Variants in APP observed in about 807,000 individuals in gnomAD.
APP encodes amyloid beta precursor protein.
Under a neutral mutation model 101.4 loss-of-function variants are expected in APP, and 31 were observed. The ratio of observed to expected loss-of-function variants is 0.31; its 90% CI spans 0.23 to 0.41. The LOEUF is 0.41. Among genes scored for constraint, APP ranks in the 10% least tolerant of loss-of-function variants. The probability of loss-of-function intolerance (pLI) is 1.00; values close to 1 mark genes in which losing one functional copy is unlikely to be tolerated. For synonymous variants in APP, 366 were observed against 364.4 expected (o/e 1.00, Z -0.05); for missense variants, 839 against 1,003.7 (o/e 0.84, Z 2.22).
intron 6 of APP, among the ~76,000 whole-genome samples, chr21:26,012,692 C>T (rs1388296726): frequency 1.5e-5 from 2 of 135,628 alleles, no homozygotes; most frequent in East Asian, 2.2e-4. Context: ...AACGTGTGCC[C>T]GGTTGGGTGT....
intron 2 of APP, among the ~76,000 whole-genome samples, chr21:26,094,235 GATT>G (rs1310576370): frequency 6.6e-6 from 1 of 152,028 alleles, no homozygotes; most frequent in Non-Finnish European, 1.5e-5. Context: ...AGAGATAAGG[GATT>G]ATTAATTTAG....
intron 8 of APP, among the ~76,000 whole-genome samples, chr21:25,987,515 G>C (rs2146622043): frequency 6.6e-6 from 1 of 152,232 alleles, no homozygotes; most frequent in South Asian, 2.1e-4. Flanking sequence ...AGGATATATA[G>C]GCTATTACCT....
intron 17 of APP, among the ~76,000 whole-genome samples, chr21:25,886,009 A>G (rs2037299423): frequency 6.6e-6 from 1 of 152,184 alleles, no homozygotes; most frequent in Non-Finnish European, 1.5e-5. Flanking sequence ...TACAGTAACC[A>G]GCAGGATGTG....
intron 12 of APP, 30 bp downstream of exon 12, chr21:25,955,597 C>A (rs202140437): frequency 1.9e-5 from 30 of 1,613,712 alleles, no homozygotes; most frequent in Non-Finnish European, 2.5e-5. Flanking sequence ...ATTGTCAAAG[C>A]TGCAGAAGAT....
At chr21:25,908,694 A>AG (rs1207666446) in intron 14 of APP, among the ~76,000 whole-genome samples, 4 of 149,354 alleles carry the variant, frequency 2.7e-5, no homozygotes, top group Admixed American at 1.3e-4. Context: ...GGCTCCATTA[A>AG]AAAAAAAAAA....
intron 5 of APP, among the ~76,000 whole-genome samples, chr21:26,050,437 T>G (rs893049713): frequency 1.3e-5 from 2 of 152,002 alleles, no homozygotes; most frequent in African/African-American, 2.4e-5. Context: ...CTAAGCTCCC[T>G]AAGAAAAAGA....
rs1330251934 is a variant in APP at position 25,881,224 on chromosome 21, G to A, written c.*446C>T. On this transcript the variant is annotated 3_prime_UTR_variant, in exon 18 of 18. Transcript: ENST00000346798. ...TTTAAAATGCATAGTGATCAGGAAA[G>A]GAATACTTAGGCAAGAGAAGCAGCT... 1 of 230,184 alleles carries A rather than the reference G, an allele frequency of 4.3e-6. No individual in the cohort carries two copies. Among genetic ancestry groups the A allele is most frequent in the East Asian group, 1.1e-4 (1 of 9,116 alleles). 14.3% of individuals were successfully genotyped at this position (230,184 alleles called of 1,614,324 possible).
intron 3 of APP, among the ~76,000 whole-genome samples, chr21:26,078,278 A>T (rs957067476): frequency 2.0e-5 from 3 of 152,238 alleles, no homozygotes; most frequent in Non-Finnish European, 4.4e-5. Flanking sequence ...ATCTGGAATT[A>T]TAAAGATATG....
intron 3 of APP, among the ~76,000 whole-genome samples, chr21:26,058,415 T>C (rs935706741): frequency 2.0e-5 from 3 of 152,222 alleles, no homozygotes; most frequent in Non-Finnish European, 2.9e-5. Flanking sequence ...TCTGGAATTC[T>C]TTTAGAAAGG....
chr21:26,101,191 C>A (rs535038225), intron 2 of APP, among the ~76,000 whole-genome samples: 6 of 150,144 alleles, frequency 4.0e-5, no homozygotes, highest in African/African-American at 1.5e-4. Context: ...CCTCGGCCTC[C>A]GAGTTCAAGC....
At chr21:26,115,694 T>C (rs1204854794) in intron 1 of APP, among the ~76,000 whole-genome samples, 1 of 152,184 alleles carries the variant, frequency 6.6e-6, no homozygotes, top group Non-Finnish European at 1.5e-5. Context: ...TCTGTTAATA[T>C]GGACACTCTT....
intron 7 of APP, among the ~76,000 whole-genome samples, chr21:25,998,127 C>A (rs777958470): frequency 7.2e-5 from 11 of 152,094 alleles, no homozygotes; most frequent in Admixed American, 3.3e-4. Context: ...CCAAATAAAT[C>A]TCTTATTACC....
chr21:26,011,026 G>A (rs899967903), intron 6 of APP, among the ~76,000 whole-genome samples: 2 of 151,674 alleles, frequency 1.3e-5, no homozygotes, highest in Non-Finnish European at 2.9e-5. Flanking sequence ...TCCGTCTTTG[G>A]GGGATGAGAC....
At chr21:26,164,796 C>T (rs1194927465) in intron 1 of APP, among the ~76,000 whole-genome samples, 1 of 146,780 alleles carries the variant, frequency 6.8e-6, no homozygotes, top group Non-Finnish European at 1.5e-5. Context: ...GCGGAGGTTG[C>T]AGTGAGCCGA....
chr21:26,089,032 T>C (rs993376184), intron 3 of APP, among the ~76,000 whole-genome samples: 6 of 152,240 alleles, frequency 3.9e-5, no homozygotes, highest in Non-Finnish European at 5.9e-5. Context: ...CTTTGTAAGT[T>C]TGCTGTTGGA....
chr21:26,165,884 A>C, intron 1 of APP, among the ~76,000 whole-genome samples: 1 of 152,202 alleles, frequency 6.6e-6, no homozygotes. Flanking sequence ...CTGTTTCATA[A>C]AGCTATTAAT....
At chr21:26,161,107 A>T (rs1434466284) in intron 1 of APP, among the ~76,000 whole-genome samples, 1 of 152,212 alleles carries the variant, frequency 6.6e-6, no homozygotes, top group Non-Finnish European at 1.5e-5. Context: ...TAGAGAACTC[A>T]TTTATTTAGT....
intron 1 of APP, among the ~76,000 whole-genome samples, chr21:26,127,509 T>A (rs1255918556): frequency 2.0e-5 from 3 of 152,246 alleles, no homozygotes; most frequent in Non-Finnish European, 2.9e-5. Context: ...AACCTCTCTA[T>A]GTCTTGTATC....
intron 11 of APP, among the ~76,000 whole-genome samples, chr21:25,974,094 A>G (rs1310859267): frequency 1.3e-5 from 2 of 152,062 alleles, no homozygotes; most frequent in Non-Finnish European, 2.9e-5. Flanking sequence ...GGCAATGATC[A>G]CTGAAAACCA....
Sources: allele counts gnomAD v4.1 joint callset (sites outside exome capture counted in the v4.1 genomes callset), GRCh38; gene constraint gnomAD v4.1.1; transcripts MANE v1.5; gene names NCBI Gene and HGNC (gene_info 2026-07-23, HGNC 2026-07-21).